The following TRMT5 variants were observed in gnomAD, a reference collection of about 807,000 sequenced individuals.
TRMT5 encodes the protein tRNA (guanine(37)-N(1))-methyltransferase.
Under a neutral mutation model 42.2 loss-of-function variants are expected in TRMT5, and 31 were observed. The observed-to-expected ratio is 0.73, with a 90% CI of 0.55 to 0.99. The LOEUF (loss-of-function observed/expected upper bound fraction) is 0.99, where lower values mean the gene tolerates loss of function less well. TRMT5 is among the 50% of genes least tolerant of loss of function. TRMT5 has a pLI of 0.00. For missense variants in TRMT5, 568 were observed against 595.0 expected, an observed-to-expected ratio of 0.95 and a Z score of 0.47; for synonymous variants, 198 against 209.6, an observed-to-expected ratio of 0.94 and a Z score of 0.48.
At chr14:60,977,404 C>T (rs2036861730) in intron 3 of TRMT5, 110 bp downstream of exon 3, 1 of 1,119,458 alleles carries the variant, frequency 8.9e-7, no homozygotes, top group Non-Finnish European at 1.2e-6. Context: ...TGATCACATT[C>T]TCACATACTC....
intron 3 of TRMT5, among the ~76,000 whole-genome samples, chr14:60,976,900 C>A (rs2036855397): frequency 6.6e-6 from 1 of 152,152 alleles, no homozygotes; most frequent in South Asian, 2.1e-4. Context: ...AGTATGACCT[C>A]AGCCATCATC....
At position 60,974,211 on chromosome 14, in the gene TRMT5, G is replaced by A. The variant is rs547013470; in HGVS notation, c.*898C>T. 1.3e-5 allele frequency: 2 copies of A among 152,314 alleles called. No homozygotes were observed. The highest frequency in any genetic ancestry group is 3.9e-4 in the East Asian group (2 of 5,192). 9.4% of individuals were successfully genotyped at this position (152,314 alleles called of 1,614,324 possible). ...TATACATGGCACTCAAAATGCTGTC[G>A]TTACAACCACATCAGTGATTTGTGA... is the stretch of plus-strand genomic sequence containing the variant. On this transcript the variant is annotated 3_prime_UTR_variant, in exon 5 of 5. Transcript: ENST00000261249.
At position 60,979,856 on chromosome 14, in the gene TRMT5, T is replaced by G. The variant is rs753195850; in HGVS notation, c.42A>C (p.Gly14=). 11 of 1,588,236 alleles carry G rather than the reference T, an allele frequency of 6.9e-6. No individual in the cohort carries two copies. Among genetic ancestry groups the G allele is most frequent in the Non-Finnish European group, 8.6e-6 (10 of 1,168,480 alleles). ...WILWRPFGFS[G]RFLKLESHSI... ...TATGGCTTTCCAGTTTCAGAAATCT[T>G]CCTGAGAATCCAAATGGCCTCCATA... The change falls in exon 2 of 5, where the codon GGA becomes GGC. Residue 14 remains glycine (G), a synonymous_variant. Transcript: ENST00000261249.
Position 60,979,429 on chromosome 14 carries a change from T to C in TRMT5, c.469A>G (p.Ser157Gly). The C allele has an allele frequency of 6.2e-7, 1 of 1,614,200 alleles. No individual in the cohort carries two copies. The highest frequency in any genetic ancestry group is 8.5e-7 in the Non-Finnish European group (1 of 1,180,026). ...CTGACATTAAGCTGCTCTAAAACACTGAGTTCTGCTTTCTCAAAGGAATCA... is the reference window on the plus strand; with the variant it reads ...CTGACATTAAGCTGCTCTAAAACACCGAGTTCTGCTTTCTCAAAGGAATCA... ...THDSFEKAEL[S>G]VLEQLNVSPQ... Residue 157 changes from serine (S) to glycine (G), a missense_variant, in exon 2 of 5, where the codon AGT (serine) becomes GGT (glycine). By Grantham distance (56) the Ser-to-Gly change is moderately conservative. Coordinates refer to ENST00000261249, the MANE Select transcript of TRMT5 (RefSeq NM_020810.3).
intron 2 of TRMT5, 59 bp from the exon 3 acceptor site, chr14:60,977,697 A>G (rs1870308127): frequency 6.8e-7 from 1 of 1,474,896 alleles, no homozygotes; most frequent in Non-Finnish European, 9.1e-7. Flanking sequence ...AAAAGCTAAC[A>G]TTGTTAATAT....
chr14:60,975,294 A>G, intron 4 of TRMT5, 100 bp from the exon 5 acceptor site: 1 of 1,320,362 alleles, frequency 7.6e-7, no homozygotes, highest in South Asian at 1.4e-5. Flanking sequence ...TAGTCAACTT[A>G]AACATGAAAT....
At chr14:60,980,016 T>C in intron 1 of TRMT5, 130 bp from the exon 2 acceptor site, 1 of 1,025,812 alleles carries the variant, frequency 9.7e-7, no homozygotes, top group African/African-American at 1.6e-5. Flanking sequence ...GTATACTATC[T>C]TTTCCAGACT....
intron 3 of TRMT5, among the ~76,000 whole-genome samples, chr14:60,976,565 T>G (rs2139641704): frequency 6.6e-6 from 1 of 152,340 alleles, no homozygotes; most frequent in South Asian, 2.1e-4. Flanking sequence ...CAGACAGTAC[T>G]TCTATGCAGC....
chr14:60,977,512 A>AC lies in TRMT5; in HGVS notation c.792+1dup. ...ACCTTACTTGGAGATAATAAAATAT[A>AC]CCTTTGTCATCATGTTCTGCTCTCC... On this transcript the variant is annotated splice_donor_variant, in intron 3 of 4. Coordinates refer to ENST00000261249, the MANE Select transcript of TRMT5 (RefSeq NM_020810.3). LOFTEE classifies it high-confidence loss of function. 6.2e-7 allele frequency: 1 copy of AC among 1,601,704 alleles called. No homozygotes were observed. The highest frequency in any genetic ancestry group is 8.5e-7 in the Non-Finnish European group (1 of 1,175,726).
chr14:60,978,051 C>T (rs2139643384), intron 2 of TRMT5, among the ~76,000 whole-genome samples: 1 of 152,220 alleles, frequency 6.6e-6, no homozygotes, highest in East Asian at 1.9e-4. Flanking sequence ...TTCCACTGGC[C>T]TCAAGCCAAA....
chr14:60,976,551 G>A (rs1322635248), intron 3 of TRMT5, among the ~76,000 whole-genome samples: 1 of 152,192 alleles, frequency 6.6e-6, no homozygotes, highest in Non-Finnish European at 1.5e-5. Context: ...GGGTAGCCAA[G>A]TTGCAGACAG....
upstream of TRMT5, chr14:60,981,435 G>C (rs1355666412): frequency 6.4e-7 from 1 of 1,550,522 alleles, no homozygotes; most frequent in Admixed American, 2.0e-5. Flanking sequence ...CTTCCCTCAA[G>C]TGCCTGCCAA....
At chr14:60,976,157 T>C (rs758655483) in intron 3 of TRMT5, 31 bp from the exon 4 acceptor site, 5 of 1,578,720 alleles carry the variant, frequency 3.2e-6, no homozygotes, top group Non-Finnish European at 3.4e-6. Context: ...TTTTGGTTAA[T>C]TTCCTTGGTC....
At chr14:60,979,160 AATT>A in intron 2 of TRMT5, 68 bp downstream of exon 2, 1 of 1,374,354 alleles carries the variant, frequency 7.3e-7, no homozygotes, top group Non-Finnish European at 9.9e-7. Context: ...TAAAAAAAAT[AATT>A]TTTAAAGCTA....
chr14:60,977,724 G>A (rs2036865556), intron 2 of TRMT5, 86 bp from the exon 3 acceptor site: 6 of 1,346,810 alleles, frequency 4.5e-6, no homozygotes, highest in Non-Finnish European at 6.0e-6. Flanking sequence ...GAAATGAGTT[G>A]TATTTCTTTT....
At chr14:60,981,422 C>T (rs1401744277), upstream of TRMT5, 1 of 1,554,454 alleles carries the variant, frequency 6.4e-7, no homozygotes, top group Admixed American at 2.0e-5. Flanking sequence ...TGACGCCCTC[C>T]GGCTTCCCTC....
Position 60,973,147 on chromosome 14 carries a change from G to A in TRMT5, c.*1962C>T, listed in dbSNP as rs906953337. 1 of 152,180 alleles carries A rather than the reference G, an allele frequency of 6.6e-6. No individual in the cohort carries two copies. The highest frequency in any genetic ancestry group is 2.4e-5 in the African/African-American group (1 of 41,438). 9.4% of individuals were successfully genotyped at this position (152,180 alleles called of 1,614,324 possible). On this transcript the variant is annotated 3_prime_UTR_variant, in exon 5 of 5. Coordinates refer to ENST00000261249, the MANE Select transcript of TRMT5 (RefSeq NM_020810.3). ...TAAGGATATTGTCATCAAATATTGT[G>A]ATTCAAATATCGATTGTCAAAATGA...
chr14:60,977,630 T>A lies in TRMT5; in HGVS notation c.676A>T (p.Met226Leu). The A allele has an allele frequency of 1.9e-6, 3 of 1,598,414 alleles. No homozygotes were observed. The South Asian group carries it at 3.4e-5, about 18-fold the overall frequency. Residue 226 changes from methionine (M) to leucine (L), a missense_variant, in exon 3 of 5, where the codon ATG becomes TTG. Transcript: ENST00000261249. ...LPFKHLIGQVMIDKNPGITSA... is the reference protein window; with the variant it reads ...LPFKHLIGQVLIDKNPGITSA... Reference sequence around the variant, plus strand: ...GTGATTCCTGGATTTTTGTCAATCATAACCTGGCCTAAAAGAAAAAATGAA... The same window carrying A: ...GTGATTCCTGGATTTTTGTCAATCAAAACCTGGCCTAAAAGAAAAAATGAA...
intron 1 of TRMT5, 63 bp from the exon 2 acceptor site, chr14:60,979,949 C>CT: frequency 6.8e-7 from 1 of 1,473,900 alleles, no homozygotes; most frequent in Non-Finnish European, 9.0e-7. Flanking sequence ...CTAAATTCTA[C>CT]TATCTCAAAT....
Sources: gnomAD v4.1 joint callset for allele counts (sites outside exome capture counted in the v4.1 genomes callset) on GRCh38, gnomAD v4.1.1 for gene constraint, MANE v1.5 for transcripts, NCBI Gene and HGNC (gene_info 2026-07-23, HGNC 2026-07-21) for gene names.